Variants in CNTNAP3B observed in about 807,000 individuals in gnomAD.
The protein encoded by CNTNAP3B is contactin associated protein family member 3B, also known as contactin-associated protein-like 3B.
In CNTNAP3B, 25 loss-of-function variants were observed where a neutral mutation model predicts 108.9. The ratio of observed to expected loss-of-function variants is 0.23; its 90% CI spans 0.17 to 0.32. The LOEUF is 0.32. Among genes scored for constraint, CNTNAP3B ranks in the 10% least tolerant of loss-of-function variants. The probability of loss-of-function intolerance (pLI) is 1.00; values close to 1 mark genes in which losing one functional copy is unlikely to be tolerated. For synonymous variants in CNTNAP3B, 103 were observed against 473.4 expected (o/e 0.22, Z 10.16); for missense variants, 252 against 1,210.4 (o/e 0.21, Z 11.75).
intron 9 of CNTNAP3B, among the ~76,000 whole-genome samples, chr9:41,979,013 T>C (rs1263255820): frequency 7.2e-6 from 1 of 139,846 alleles, no homozygotes; most frequent in Admixed American, 7.1e-5. Flanking sequence ...AAGGTCTGGG[T>C]CGGGTTCATC....
intron 15 of CNTNAP3B, among the ~76,000 whole-genome samples, chr9:41,926,275 G>T (rs569007167): frequency 4.1e-4 from 63 of 152,014 alleles, no homozygotes; most frequent in Non-Finnish European, 6.5e-4. Context: ...TAACCCAGTG[G>T]TCATTCCTTG....
chr9:42,051,907 GTAGCACAA>G (rs1826971127), intron 3 of CNTNAP3B, among the ~76,000 whole-genome samples: 2 of 152,130 alleles, frequency 1.3e-5, no homozygotes, highest in Admixed American at 6.5e-5. Context: ...TTGCCAGAGT[GTAGCACAA>G]TAGCTCCCTT....
intron 13 of CNTNAP3B, among the ~76,000 whole-genome samples, chr9:41,943,646 G>T (rs1295314813): frequency 6.7e-6 from 1 of 148,722 alleles, no homozygotes; most frequent in Non-Finnish European, 1.5e-5. Flanking sequence ...GAGTCACCGC[G>T]CCCAGCCCTG....
intron 14 of CNTNAP3B, among the ~76,000 whole-genome samples, chr9:41,932,112 AC>A: frequency 1.3e-5 from 2 of 151,058 alleles, no homozygotes; most frequent in Admixed American, 1.3e-4. Flanking sequence ...AAAATAGAAT[AC>A]TCAGGATTTG....
chr9:42,044,375 G>A (rs1826824692), intron 3 of CNTNAP3B, among the ~76,000 whole-genome samples: 1 of 150,564 alleles, frequency 6.6e-6, no homozygotes, highest in Middle Eastern at 3.4e-3. Flanking sequence ...TTCTCTCAAG[G>A]TATCACCTCC....
At chr9:41,966,994 C>T (rs11521995) in intron 10 of CNTNAP3B, among the ~76,000 whole-genome samples, 2 of 149,584 alleles carry the variant, frequency 1.3e-5, no homozygotes, top group African/African-American at 5.0e-5. Context: ...AACACCTATC[C>T]AAACATAAAC....
chr9:42,012,251 T>C lies in CNTNAP3B; in HGVS notation c.538+1127A>G, dbSNP rs574774840. 2.5e-5 allele frequency among the ~76,000 whole-genome samples: 3 copies of C among 119,084 alleles called. 1 individual carries two copies. Among genetic ancestry groups the C allele is most frequent in the Non-Finnish European group, 5.2e-5 (3 of 57,230 alleles). The allele number at this position is 119,084 out of a possible 152,430, so 78.1% of individuals were successfully genotyped here. On this transcript the variant is annotated intron_variant, in intron 4 of 23. Coordinates refer to ENST00000377561, the MANE Select transcript of CNTNAP3B (RefSeq NM_001201380.3). Reference sequence around the variant, plus strand: ...TTCTAAATATCAGACATCTTAGCCATTGAAACAGAGAGCACAGTTATAGGT... The same window carrying C: ...TTCTAAATATCAGACATCTTAGCCACTGAAACAGAGAGCACAGTTATAGGT...
At chr9:42,125,551 C>A (rs1318952185) in intron 1 of CNTNAP3B, among the ~76,000 whole-genome samples, 1 of 140,256 alleles carries the variant, frequency 7.1e-6, no homozygotes. Flanking sequence ...TTTCTTTTTT[C>A]ATGATCAAAC....
chr9:41,931,845 A>G (rs1359400696), intron 14 of CNTNAP3B, among the ~76,000 whole-genome samples: 1 of 145,706 alleles, frequency 6.9e-6, no homozygotes, highest in Non-Finnish European at 1.5e-5. Flanking sequence ...TTAATTATTT[A>G]TGGAGGATGC....
At chr9:42,061,322 T>C (rs1340396786) in intron 3 of CNTNAP3B, among the ~76,000 whole-genome samples, 4 of 123,966 alleles carry the variant, frequency 3.2e-5, no homozygotes, top group Non-Finnish European at 5.1e-5. Context: ...TTTTTCTTTT[T>C]TTTTTTTTTT....
chr9:41,937,070 T>C (rs1414813029), intron 14 of CNTNAP3B, among the ~76,000 whole-genome samples: 2 of 145,314 alleles, frequency 1.4e-5, no homozygotes, highest in African/African-American at 5.3e-5. Flanking sequence ...TCCAAATCAA[T>C]TATACTGACA....
At position 41,930,909 on chromosome 9, in the gene CNTNAP3B, C is replaced by T. The variant is rs1481070515; in HGVS notation, c.2238-1465G>A. On this transcript the variant is annotated intron_variant, in intron 14 of 23. Transcript: ENST00000377561. Reference sequence around the variant, plus strand: ...AATAAATATTTGGCCAATAATATTGCATATATGCATATATAATAAAATGCT... The same window carrying T: ...AATAAATATTTGGCCAATAATATTGTATATATGCATATATAATAAAATGCT... Among the ~76,000 whole-genome samples, 5 of 152,316 alleles carry T rather than the reference C, an allele frequency of 3.3e-5. No homozygotes were observed. The South Asian group carries it at 1.0e-3, about 32-fold the overall frequency.
chr9:41,926,372 G>A (rs1436971565), intron 15 of CNTNAP3B, among the ~76,000 whole-genome samples: 21 of 152,306 alleles, frequency 1.4e-4, no homozygotes, highest in African/African-American at 4.8e-4. Flanking sequence ...AAACAGAGAT[G>A]AAGATAAGGA....
At chr9:42,106,463 G>A (rs1169448767) in intron 1 of CNTNAP3B, among the ~76,000 whole-genome samples, 3 of 117,236 alleles carry the variant, frequency 2.6e-5, no homozygotes. Flanking sequence ...TTTTTACACA[G>A]CAAGAAGCCA....
intron 4 of CNTNAP3B, among the ~76,000 whole-genome samples, chr9:42,010,469 T>A (rs1160274024): frequency 7.2e-6 from 1 of 139,668 alleles, no homozygotes; most frequent in East Asian, 2.2e-4. Flanking sequence ...CTTATAGGGT[T>A]CTGGCCTAAG....
In CNTNAP3B at chr9:42,090,973, T is replaced by TATACACAC. The variant is rs1207817338; in HGVS notation, c.196+13655_196+13656insGTGTGTAT. ...CTGACTCTCTCTAAATATATATATA[T>TATACACAC]ACACACACACACACACACACACACA... On this transcript the variant is annotated intron_variant, in intron 2 of 23. Coordinates refer to ENST00000377561, the MANE Select transcript of CNTNAP3B (RefSeq NM_001201380.3). Among the ~76,000 whole-genome samples, 377 of 37,794 alleles carry TATACACAC rather than the reference T, an allele frequency of 1.0e-2. 71 individuals are homozygous for TATACACAC. Among genetic ancestry groups the TATACACAC allele is most frequent in the African/African-American group, 0.026 (365 of 13,992 alleles). 24.8% of individuals were successfully genotyped at this position (37,794 alleles called of 152,430 possible).
rs71512009 is a variant in CNTNAP3B at position 42,112,067 on chromosome 9, C to T, written c.86-7328G>A. ...TCCCCGTTACTCTCTGCACTACAGC[C>T]GAATCCCCTACACATTTCTCAGATG... On this transcript the variant is annotated intron_variant, in intron 1 of 23. Transcript: ENST00000377561. Among the ~76,000 whole-genome samples, 251 of 139,550 alleles carry T rather than the reference C, an allele frequency of 1.8e-3. 46 individuals are homozygous for T. The highest frequency in any genetic ancestry group is 2.2e-3 in the Non-Finnish European group (140 of 65,030). The allele number at this position is 139,550 out of a possible 152,430, so 91.6% of individuals were successfully genotyped here.
intron 2 of CNTNAP3B, among the ~76,000 whole-genome samples, chr9:42,097,121 T>C (rs557280069): frequency 7.1e-6 from 1 of 140,012 alleles, no homozygotes; most frequent in Non-Finnish European, 1.5e-5. Flanking sequence ...TATCTGCTTC[T>C]CTTTCACTCA....
Position 41,914,502 on chromosome 9 carries a change from AGTT to A in CNTNAP3B, c.2995+5565_2995+5567del, listed in dbSNP as rs1823477343. ...TTGATAGTGTTCTTTGATACACAGAAGTTGTTAATTTTTATAAAGTCCAAATAA... is the reference window on the plus strand; with the variant it reads ...TTGATAGTGTTCTTTGATACACAGAAGTTAATTTTTATAAAGTCCAAATAA... On this transcript the variant is annotated intron_variant, in intron 18 of 23. Coordinates refer to ENST00000377561, the MANE Select transcript of CNTNAP3B (RefSeq NM_001201380.3). 4.6e-5 allele frequency among the ~76,000 whole-genome samples: 7 copies of A among 152,142 alleles called. No homozygotes were observed. In the South Asian group the frequency reaches 1.4e-3, roughly 32 times the overall value.
Sources: gnomAD v4.1 joint callset for allele counts (sites outside exome capture counted in the v4.1 genomes callset) on GRCh38, gnomAD v4.1.1 for gene constraint, MANE v1.5 for transcripts, NCBI Gene and HGNC (gene_info 2026-07-23, HGNC 2026-07-21) for gene names.